SCARB2: variants seen among roughly 807,000 people sequenced by gnomAD.
SCARB2 encodes lysosome membrane protein 2.
SCARB2 carries 29 observed loss-of-function variants against 58.6 expected under a neutral mutation model. The observed-to-expected ratio is 0.49, with a 90% CI of 0.37 to 0.67. SCARB2 has a LOEUF of 0.67. SCARB2 is among the 30% of genes least tolerant of loss of function. The probability of loss-of-function intolerance (pLI) is 0.00; values close to 1 mark genes in which losing one functional copy is unlikely to be tolerated. For missense variants in SCARB2, 488 were observed against 578.5 expected (o/e 0.84, Z 1.60); for synonymous variants, 195 against 210.1 (o/e 0.93, Z 0.62).
chr4:76,190,741 G>A (rs897310479), intron 2 of SCARB2, among the ~76,000 whole-genome samples: 2 of 152,064 alleles, frequency 1.3e-5, no homozygotes, highest in Non-Finnish European at 2.9e-5. Flanking sequence ...CCAAGATCGC[G>A]CCACTGCACT....
intron 1 of SCARB2, among the ~76,000 whole-genome samples, chr4:76,205,498 T>C (rs1464566787): frequency 5.3e-5 from 8 of 152,254 alleles, no homozygotes; most frequent in Admixed American, 5.2e-4. Context: ...TGTATATCTA[T>C]ATGTATATCT....
intron 2 of SCARB2, among the ~76,000 whole-genome samples, chr4:76,189,212 C>T (rs6825004): frequency 1.3e-5 from 2 of 151,992 alleles, no homozygotes; most frequent in East Asian, 3.9e-4. Context: ...GGAAGAAAGA[C>T]AGATACCTAA....
At chr4:76,191,099 G>C (rs772545666) in intron 2 of SCARB2, among the ~76,000 whole-genome samples, 2 of 152,022 alleles carry the variant, frequency 1.3e-5, no homozygotes, top group Non-Finnish European at 2.9e-5. Flanking sequence ...ACAAACAATG[G>C]GACACTTAGA....
intron 2 of SCARB2, chr4:76,184,860 T>TGA (rs1040893870): frequency 3.2e-6 from 1 of 317,124 alleles, no homozygotes; most frequent in African/African-American, 2.2e-5. Context: ...GGCAGACACA[T>TGA]GATGTGATGA....
intron 1 of SCARB2, among the ~76,000 whole-genome samples, chr4:76,208,836 T>C (rs1214990515): frequency 6.6e-6 from 1 of 152,240 alleles, no homozygotes; most frequent in Non-Finnish European, 1.5e-5. Context: ...GTAAGGACAA[T>C]GTAGCATGAG....
At chr4:76,188,395 T>C (rs1040439577) in intron 2 of SCARB2, among the ~76,000 whole-genome samples, 6 of 152,250 alleles carry the variant, frequency 3.9e-5, no homozygotes, top group African/African-American at 1.4e-4. Context: ...ACATTTGGAA[T>C]GCCCATCATC....
chr4:76,204,066 A>G (rs995823927), intron 1 of SCARB2, among the ~76,000 whole-genome samples: 1 of 152,184 alleles, frequency 6.6e-6, no homozygotes, highest in African/African-American at 2.4e-5. Flanking sequence ...AACTTGGAGA[A>G]CTTGCCCTAA....
intron 3 of SCARB2, 140 bp downstream of exon 3, chr4:76,180,813 AG>A: frequency 1.7e-6 from 1 of 601,230 alleles, no homozygotes; most frequent in East Asian, 3.1e-5. Context: ...TTTAAAGAAA[AG>A]AAAAGAAGTA....
In SCARB2 at chr4:76,179,290, A is replaced by G. The variant is rs894247; in HGVS notation, c.612+227T>C. On this transcript the variant is annotated intron_variant, in intron 4 of 11. Transcript: ENST00000264896. Reference sequence around the variant, plus strand: ...GCTGGTCTCAAAGTCTTAACCTCAAATGATCCACCCACCTCGGTCTCCCAA... The same window carrying G: ...GCTGGTCTCAAAGTCTTAACCTCAAGTGATCCACCCACCTCGGTCTCCCAA... The G allele has an allele frequency of 0.099, 51,909 of 523,298 alleles. 3,552 individuals are homozygous for G. The highest frequency in any genetic ancestry group is 0.23 in the East Asian group (6,619 of 29,144). 32.4% of individuals were successfully genotyped at this position (523,298 alleles called of 1,614,324 possible). A position where few individuals can be genotyped will look rare whatever the true frequency, so the allele number is the denominator to read the frequency against.
At chr4:76,209,206 T>G (rs768911323) in intron 1 of SCARB2, among the ~76,000 whole-genome samples, 1 of 152,138 alleles carries the variant, frequency 6.6e-6, no homozygotes, top group East Asian at 1.9e-4. Context: ...GGAGATGAGG[T>G]AGATATGCAA....
At chr4:76,174,045 G>T in intron 7 of SCARB2, 99 bp downstream of exon 7, 1 of 1,428,572 alleles carries the variant, frequency 7.0e-7, no homozygotes, top group South Asian at 1.2e-5. Context: ...AGCTGGGACT[G>T]TAGGTGTGCG....
chr4:76,186,352 C>T (rs1008018340), intron 2 of SCARB2, among the ~76,000 whole-genome samples: 4 of 152,036 alleles, frequency 2.6e-5, no homozygotes, highest in African/African-American at 4.8e-5. Flanking sequence ...AGGAGGAGGA[C>T]ACGCTTTAAA....
chr4:76,216,816 A>G (rs879539737), upstream of SCARB2, among the ~76,000 whole-genome samples: 2 of 152,238 alleles, frequency 1.3e-5, no homozygotes, highest in Admixed American at 1.3e-4. Context: ...ATGTGTTAAC[A>G]TAAGACAGAA....
At chr4:76,199,073 G>A (rs1046786096) in intron 1 of SCARB2, among the ~76,000 whole-genome samples, 3 of 152,146 alleles carry the variant, frequency 2.0e-5, no homozygotes, top group Non-Finnish European at 4.4e-5. Context: ...CTAAAGTCAG[G>A]TGCTATGCTA....
At chr4:76,172,859 G>A (rs1732161213) in intron 7 of SCARB2, 1 of 152,016 alleles carries the variant, frequency 6.6e-6, no homozygotes, top group South Asian at 2.1e-4. Flanking sequence ...GCAAAAGTGA[G>A]CACATTACTA....
upstream of SCARB2, among the ~76,000 whole-genome samples, chr4:76,215,418 C>G (rs1343427525): frequency 6.6e-6 from 1 of 152,164 alleles, no homozygotes; most frequent in East Asian, 1.9e-4. Flanking sequence ...CCCGATCTGT[C>G]ACTAATGAGA....
intron 1 of SCARB2, among the ~76,000 whole-genome samples, chr4:76,219,492 G>C (rs541828916): frequency 1.7e-4 from 26 of 152,304 alleles, no homozygotes; most frequent in African/African-American, 5.8e-4. Context: ...CTGATTTCCT[G>C]CATGTTGTGA....
At chr4:76,185,881 TCA>T (rs1433709575) in intron 2 of SCARB2, among the ~76,000 whole-genome samples, 3 of 152,188 alleles carry the variant, frequency 2.0e-5, no homozygotes, top group Admixed American at 1.3e-4. Context: ...CTTCTGTGCC[TCA>T]GTTTCCTCAT....
chr4:76,191,595 C>T (rs1225249350), intron 2 of SCARB2, among the ~76,000 whole-genome samples: 2 of 152,092 alleles, frequency 1.3e-5, no homozygotes, highest in Non-Finnish European at 2.9e-5. Flanking sequence ...GAGGCCTCCC[C>T]AGAAGCCAAG....
Sources: allele counts gnomAD v4.1 joint callset (sites outside exome capture counted in the v4.1 genomes callset), GRCh38; gene constraint gnomAD v4.1.1; transcripts MANE v1.5; gene names NCBI Gene and HGNC (gene_info 2026-07-23, HGNC 2026-07-21).